THNSL1: variants seen among roughly 807,000 people sequenced by gnomAD.
THNSL1 encodes the protein threonine synthase like 1.
Under a neutral mutation model 50.4 loss-of-function variants are expected in THNSL1, and 48 were observed. The ratio of observed to expected loss-of-function variants is 0.95; its 90% confidence interval spans 0.76 to 1.21. The LOEUF (loss-of-function observed/expected upper bound fraction) is 1.21. THNSL1 is among the 50% of genes most tolerant of loss of function. The probability of loss-of-function intolerance (pLI) is 0.00; values close to 1 mark genes in which losing one functional copy is unlikely to be tolerated. For synonymous variants in THNSL1, 309 were observed against 306.1 expected (o/e 1.01, Z -0.10); for missense variants, 896 against 871.7 (o/e 1.03, Z -0.35).
chr10:25,008,625 A>C, the THNSL1 span, among the ~76,000 whole-genome samples: 5,513 of 152,296 alleles, frequency 0.036, 235 homozygotes, highest in African/African-American at 0.1. Flanking sequence ...TTAAACAAAA[A>C]CTAATGCTGT....
the THNSL1 span, among the ~76,000 whole-genome samples, chr10:24,965,714 C>G: frequency 6.6e-6 from 1 of 152,186 alleles, no homozygotes. Flanking sequence ...AAAGTGTATA[C>G]TTTCCTCTTG....
chr10:24,971,629 A>G, the THNSL1 span, among the ~76,000 whole-genome samples: 2 of 152,232 alleles, frequency 1.3e-5, no homozygotes, highest in African/African-American at 4.8e-5. Flanking sequence ...AGGCTTGCAC[A>G]ATAAGCTGGA....
chr10:24,966,069 A>G, the THNSL1 span, among the ~76,000 whole-genome samples: 1 of 152,260 alleles, frequency 6.6e-6, no homozygotes. Context: ...TATTGACTCA[A>G]TAGAGGATGC....
At chr10:24,979,766 C>A in the THNSL1 span, among the ~76,000 whole-genome samples, 1 of 152,168 alleles carries the variant, frequency 6.6e-6, no homozygotes, top group African/African-American at 2.4e-5. Flanking sequence ...CAACTAGATG[C>A]CACAATTTTC....
intron 2 of THNSL1, among the ~76,000 whole-genome samples, chr10:25,022,640 A>G (rs955471099): frequency 3.3e-5 from 5 of 152,198 alleles, no homozygotes; most frequent in Non-Finnish European, 5.9e-5. Context: ...GTTTCCTGTT[A>G]TGACTTCTAT....
chr10:25,015,887 T>A (rs751333108), upstream of THNSL1: 1 of 1,606,354 alleles, frequency 6.2e-7, no homozygotes, highest in African/African-American at 1.3e-5. Flanking sequence ...CTCCTTCAAG[T>A]CACTGGGTAT....
chr10:25,019,409 GGCTGTAGTGAGCCAAGATTGTGCCACT>G (rs1850674330), intron 1 of THNSL1, among the ~76,000 whole-genome samples: 1 of 152,192 alleles, frequency 6.6e-6, no homozygotes, highest in Admixed American at 6.5e-5. Context: ...AGGAAGTCAA[GGCTGTAGTGAGCCAAGATTGTGCCACT>G]GCACTCCTGC....
At chr10:24,984,047 C>T in the THNSL1 span, 1 of 277,538 alleles carries the variant, frequency 3.6e-6, no homozygotes, top group African/African-American at 2.2e-5. Flanking sequence ...ATAAGAGTAT[C>T]GAGGTTGGTA....
At chr10:24,985,025 TA>T in the THNSL1 span, 1 of 800,622 alleles carries the variant, frequency 1.2e-6, no homozygotes, top group Non-Finnish European at 2.0e-6. Context: ...AAATAACTTC[TA>T]AAATGAAATG....
At chr10:24,997,212 G>A in the THNSL1 span, among the ~76,000 whole-genome samples, 1 of 151,900 alleles carries the variant, frequency 6.6e-6, no homozygotes, top group South Asian at 2.1e-4. Flanking sequence ...GTGCAACATA[G>A]ACCCTATCTC....
the THNSL1 span, among the ~76,000 whole-genome samples, chr10:24,988,278 G>GTA: frequency 1.4e-5 from 2 of 139,782 alleles, no homozygotes; most frequent in Admixed American, 1.5e-4. Context: ...ATATATATGT[G>GTA]TATATATATT....
the THNSL1 span, chr10:24,984,894 C>CT: frequency 1.2e-6 from 2 of 1,611,386 alleles, no homozygotes; most frequent in Non-Finnish European, 8.5e-7. Context: ...CTTCCCAGTT[C>CT]TTTTTCAGCC....
the THNSL1 span, chr10:24,984,540 CACT>C: frequency 8.9e-7 from 1 of 1,128,130 alleles, no homozygotes; most frequent in South Asian, 1.8e-5. Flanking sequence ...GAAAACGTGA[CACT>C]AGTAAAAACA....
intron 1 of THNSL1, among the ~76,000 whole-genome samples, chr10:25,017,086 C>A (rs56192563): frequency 2.0e-5 from 3 of 152,088 alleles, no homozygotes; most frequent in African/African-American, 7.2e-5. Context: ...GCCTGCTCTT[C>A]CCCGGGTCGG....
At chr10:24,986,586 A>C in the THNSL1 span, among the ~76,000 whole-genome samples, 1 of 152,176 alleles carries the variant, frequency 6.6e-6, no homozygotes, top group Non-Finnish European at 1.5e-5. Flanking sequence ...GTATTTGTAC[A>C]TTTGCGGATA....
the THNSL1 span, among the ~76,000 whole-genome samples, chr10:24,988,718 A>ATATATATG: frequency 6.1e-4 from 29 of 47,706 alleles, 3 homozygotes; most frequent in African/African-American, 2.8e-3. Context: ...ATATATATAT[A>ATATATATG]TATATATATT....
the THNSL1 span, among the ~76,000 whole-genome samples, chr10:24,980,663 A>T: frequency 2.6e-5 from 4 of 151,798 alleles, no homozygotes; most frequent in Non-Finnish European, 5.9e-5. Context: ...GATAAAATAA[A>T]TTTTTTTTCT....
the THNSL1 span, among the ~76,000 whole-genome samples, chr10:24,969,772 G>A: frequency 3.3e-5 from 5 of 152,152 alleles, no homozygotes; most frequent in African/African-American, 1.2e-4. Flanking sequence ...CATTCCCTAA[G>A]GAAGTCTAAA....
the THNSL1 span, among the ~76,000 whole-genome samples, chr10:25,005,389 C>G: frequency 6.6e-6 from 1 of 152,082 alleles, no homozygotes; most frequent in Non-Finnish European, 1.5e-5. Flanking sequence ...TTTTAAAAAC[C>G]ATTTATTTCA....
Sources: allele counts gnomAD v4.1 joint callset (sites outside exome capture counted in the v4.1 genomes callset), GRCh38; gene constraint gnomAD v4.1.1; transcripts MANE v1.5; gene names NCBI Gene and HGNC (gene_info 2026-07-23, HGNC 2026-07-21).